The following PRKCE variants were observed in gnomAD, a reference collection of about 807,000 sequenced individuals.
The protein encoded by PRKCE is protein kinase C epsilon.
A neutral mutation model predicts 85.4 loss-of-function variants in PRKCE; 16 were observed. The ratio of observed to expected loss-of-function variants is 0.19; its 90% CI spans 0.13 to 0.28. The LOEUF is 0.28. PRKCE is among the 10% of genes least tolerant of loss of function. PRKCE has a pLI of 1.00. For synonymous variants in PRKCE, 388 were observed against 371.5 expected (o/e 1.04, Z -0.51); for missense variants, 573 against 975.2 (o/e 0.59, Z 5.49).
chr2:45,804,219 G>A (rs1212627002), intron 1 of PRKCE, among the ~76,000 whole-genome samples: 1 of 152,164 alleles, frequency 6.6e-6, no homozygotes, highest in African/African-American at 2.4e-5. Context: ...CAAAGCCAAG[G>A]GCTCCAGTAG....
intron 1 of PRKCE, among the ~76,000 whole-genome samples, chr2:45,766,662 G>A (rs1044396365): frequency 1.7e-4 from 26 of 152,208 alleles, no homozygotes; most frequent in African/African-American, 5.5e-4. Flanking sequence ...GTTGGTTAGG[G>A]TGACTAGCAT....
At chr2:46,067,643 C>T (rs539468811) in intron 10 of PRKCE, among the ~76,000 whole-genome samples, 8 of 152,292 alleles carry the variant, frequency 5.3e-5, no homozygotes, top group East Asian at 1.9e-4. Flanking sequence ...GTTGCAGGAA[C>T]GCTGCTTGCA....
At chr2:45,655,509 C>T (rs994661151) in intron 1 of PRKCE, among the ~76,000 whole-genome samples, 3 of 152,036 alleles carry the variant, frequency 2.0e-5, no homozygotes, top group African/African-American at 7.2e-5. Context: ...ACAGGTGGTA[C>T]CATTAGTGTG....
In PRKCE at chr2:46,010,470, C is replaced by G. The variant is rs539391725; in HGVS notation, c.1390C>G (p.Arg464Gly). 6.3e-7 allele frequency: 1 copy of G among 1,599,632 alleles called. No homozygotes were observed. The highest frequency in any genetic ancestry group is 8.5e-7 in the Non-Finnish European group (1 of 1,179,944). ...AGAGAAGAGGATTTTGGCTCTGGCA[C>G]GGAAACACCCGTACCTTACCCAACT... ...MTEKRILALA[R>G]KHPYLTQLYC... Residue 464 changes from arginine (R) to glycine (G), a missense_variant, in exon 10 of 15, where the codon CGG (arginine) becomes GGG (glycine). Arg to Gly is a moderately radical substitution (Grantham distance 125, BLOSUM62 -2). Coordinates refer to ENST00000306156, the MANE Select transcript of PRKCE (RefSeq NM_005400.3).
chr2:45,730,792 G>A (rs1025258379), intron 1 of PRKCE, among the ~76,000 whole-genome samples: 1 of 152,066 alleles, frequency 6.6e-6, no homozygotes, highest in African/African-American at 2.4e-5. Context: ...AGAGCTACCA[G>A]TTTCTTTTCT....
intron 1 of PRKCE, among the ~76,000 whole-genome samples, chr2:45,714,503 A>G (rs374047997): frequency 6.6e-5 from 10 of 152,370 alleles, no homozygotes; most frequent in African/African-American, 2.4e-4. Flanking sequence ...ACATCTCAGG[A>G]TACAGAATGG....
intron 11 of PRKCE, among the ~76,000 whole-genome samples, chr2:46,091,414 C>G (rs1235545842): frequency 6.6e-6 from 1 of 152,242 alleles, no homozygotes; most frequent in Non-Finnish European, 1.5e-5. Flanking sequence ...AATACTCCCT[C>G]TGTCCCCATG....
At chr2:45,990,905 G>A (rs544029267) in intron 6 of PRKCE, among the ~76,000 whole-genome samples, 10 of 151,632 alleles carry the variant, frequency 6.6e-5, no homozygotes, top group Middle Eastern at 6.9e-3. Flanking sequence ...CAAGTGATCC[G>A]TCCTCCTCAG....
chr2:46,075,842 G>T (rs1668510206), intron 10 of PRKCE, among the ~76,000 whole-genome samples: 1 of 152,226 alleles, frequency 6.6e-6, no homozygotes, highest in Non-Finnish European at 1.5e-5. Context: ...TAAAACTTCT[G>T]CAAGATGATC....
intron 2 of PRKCE, among the ~76,000 whole-genome samples, chr2:45,890,256 A>G (rs2105871256): frequency 6.6e-6 from 1 of 152,252 alleles, no homozygotes; most frequent in Admixed American, 6.5e-5. Context: ...GTTATTACCC[A>G]TGGCCAGTCT....
chr2:45,771,454 G>A (rs957558863), intron 1 of PRKCE, among the ~76,000 whole-genome samples: 4 of 152,044 alleles, frequency 2.6e-5, no homozygotes, highest in African/African-American at 4.8e-5. Flanking sequence ...AGAACCTGTC[G>A]GCCGGCCTCA....
chr2:45,782,446 G>C (rs992078308), intron 1 of PRKCE, among the ~76,000 whole-genome samples: 1 of 152,050 alleles, frequency 6.6e-6, no homozygotes, highest in Non-Finnish European at 1.5e-5. Flanking sequence ...AATAGGCCGA[G>C]AGTCCCCATC....
At chr2:46,094,282 T>G (rs568181340) in intron 11 of PRKCE, among the ~76,000 whole-genome samples, 11 of 152,336 alleles carry the variant, frequency 7.2e-5, no homozygotes, top group African/African-American at 2.6e-4. Context: ...CCTTCCTCTT[T>G]CTTTGTATAC....
Position 46,118,987 on chromosome 2 carries a change from G to A in PRKCE, c.1593-26106G>A, listed in dbSNP as rs192552130. ...ACTAAATGGGTTAGAAGTAGAGGGGGAAGTGCACGAACTCGGCTCCAGGAG... is the reference window on the plus strand; with the variant it reads ...ACTAAATGGGTTAGAAGTAGAGGGGAAAGTGCACGAACTCGGCTCCAGGAG... On this transcript the variant is annotated intron_variant, in intron 11 of 14. Transcript: ENST00000306156. Among the ~76,000 whole-genome samples, 8 of 152,260 alleles carry A rather than the reference G, an allele frequency of 5.3e-5. No homozygotes were observed. In the East Asian group the frequency reaches 1.4e-3, roughly 26 times the overall value.
chr2:45,682,432 A>AT (rs776035678), intron 1 of PRKCE, among the ~76,000 whole-genome samples: 3,471 of 150,634 alleles, frequency 0.023, 77 homozygotes, highest in African/African-American at 0.05. Flanking sequence ...TTTTTTATTT[A>AT]TTTATTTTTT....
chr2:46,187,757 T>C lies in PRKCE; in HGVS notation c.*2876T>C, dbSNP rs1176739887. On this transcript the variant is annotated 3_prime_UTR_variant, in exon 15 of 15. Transcript: ENST00000306156. ...GCTAAAAAATTACCTCTTTTTAAATTATGTGCAAAATAATTCTGGCTAACT... is the reference window on the plus strand; with the variant it reads ...GCTAAAAAATTACCTCTTTTTAAATCATGTGCAAAATAATTCTGGCTAACT... The C allele has an allele frequency of 6.6e-6, 1 of 152,022 alleles. No homozygotes were observed. The highest frequency in any genetic ancestry group is 1.5e-5 in the Non-Finnish European group (1 of 67,898). 9.4% of individuals were successfully genotyped at this position (152,022 alleles called of 1,614,324 possible).
intron 11 of PRKCE, among the ~76,000 whole-genome samples, chr2:46,089,773 A>T (rs1175814139): frequency 2.0e-5 from 3 of 151,972 alleles, no homozygotes; most frequent in Non-Finnish European, 4.4e-5. Flanking sequence ...TCACAAAGAC[A>T]CCCTACTGTT....
intron 11 of PRKCE, among the ~76,000 whole-genome samples, chr2:46,129,590 C>G (rs1388346938): frequency 6.6e-6 from 1 of 152,190 alleles, no homozygotes; most frequent in Admixed American, 6.5e-5. Flanking sequence ...TGAAAAGGAG[C>G]AAGCTGATGA....
intron 9 of PRKCE, 40 bp from the exon 10 acceptor site, chr2:46,010,304 A>G (rs187929031): frequency 3.2e-6 from 5 of 1,541,712 alleles, no homozygotes; most frequent in Non-Finnish European, 4.4e-6. Context: ...TTTTTATTCC[A>G]TACATGCATA....
Sources: allele counts gnomAD v4.1 joint callset (sites outside exome capture counted in the v4.1 genomes callset), GRCh38; gene constraint gnomAD v4.1.1; transcripts MANE v1.5; gene names NCBI Gene and HGNC (gene_info 2026-07-23, HGNC 2026-07-21).